The following SLC37A1 variants were observed in gnomAD, a reference collection of about 807,000 sequenced individuals.
The protein encoded by SLC37A1 is solute carrier family 37 member 1.
A neutral mutation model predicts 75.3 loss-of-function variants in SLC37A1; 49 were observed. The observed-to-expected ratio is 0.65, with a 90% CI of 0.52 to 0.83. The LOEUF (loss-of-function observed/expected upper bound fraction) is 0.83, where lower values mean the gene tolerates loss of function less well. Among genes scored for constraint, SLC37A1 ranks in the 40% least tolerant of loss-of-function variants. The pLI is 0.00. For missense variants in SLC37A1, 566 were observed against 695.0 expected, an observed-to-expected ratio of 0.81 and a Z score of 2.09; for synonymous variants, 268 against 292.1, an observed-to-expected ratio of 0.92 and a Z score of 0.84.
chr21:42,544,864 A>G (rs2055367541), intron 8 of SLC37A1, among the ~76,000 whole-genome samples: 1 of 152,192 alleles, frequency 6.6e-6, no homozygotes, highest in Admixed American at 6.5e-5. Context: ...CACCCGGAGA[A>G]CAATGTGCCT....
rs567505282 is a variant in SLC37A1 at position 42,575,084 on chromosome 21, A to G, written c.1521+169A>G. ...TAAAGCTCCTTCTCTCTCTGATTAGAAAAAGTCAGAAACAGAAGCAGGACA... is the reference window on the plus strand; with the variant it reads ...TAAAGCTCCTTCTCTCTCTGATTAGGAAAAGTCAGAAACAGAAGCAGGACA... On this transcript the variant is annotated intron_variant, in intron 18 of 19. Transcript: ENST00000352133. 16 of 985,470 alleles carry G rather than the reference A, an allele frequency of 1.6e-5. No homozygotes were observed. The African/African-American group carries it at 2.6e-4, about 16-fold the overall frequency. 61.0% of individuals were successfully genotyped at this position (985,470 alleles called of 1,614,324 possible). A position where few individuals can be genotyped will look rare whatever the true frequency, so the allele number is the denominator to read the frequency against.
rs531388784 is a variant in SLC37A1, at chr21:42,501,048, G to A, written c.-300-1248G>A. On this transcript the variant is annotated intron_variant, in intron 1 of 20. Transcript: ENST00000398341. ...GTTTAGTGGACACCAGTGTGGAGAC[G>A]AGATGTCAGAAAATTGGATAGACTC... Among the ~76,000 whole-genome samples, 222 of 152,326 alleles carry A rather than the reference G, an allele frequency of 1.5e-3. 1 individual carries two copies. Among genetic ancestry groups the A allele is most frequent in the Admixed American group, 2.2e-3 (34 of 15,298 alleles).
intron 11 of SLC37A1, among the ~76,000 whole-genome samples, chr21:42,561,239 A>G (rs228095): frequency 0.55 from 84,042 of 152,062 alleles, 24,252 homozygotes; most frequent in Admixed American, 0.69. Flanking sequence ...CAGTGCCACA[A>G]TGTTACTGGA....
intron 19 of SLC37A1, 59 bp from the exon 20 acceptor site, chr21:42,580,286 A>T: frequency 6.3e-7 from 1 of 1,589,852 alleles, no homozygotes; most frequent in Non-Finnish European, 8.6e-7. Flanking sequence ...GAAGTTCAGC[A>T]TCTCTTGCTG....
At chr21:42,515,540 A>T (rs1424554909) in intron 1 of SLC37A1, among the ~76,000 whole-genome samples, 1 of 152,212 alleles carries the variant, frequency 6.6e-6, no homozygotes, top group Non-Finnish European at 1.5e-5. Flanking sequence ...GGCAGCGCAG[A>T]TCACATGTGG....
chr21:42,579,999 C>A (rs768994764), intron 19 of SLC37A1, among the ~76,000 whole-genome samples, 199 bp downstream of exon 19: 1 of 152,186 alleles, frequency 6.6e-6, no homozygotes, highest in African/African-American at 2.4e-5. Flanking sequence ...CTCCTCAAAC[C>A]CTGAGTGGAA....
intron 14 of SLC37A1, 50 bp from the exon 15 acceptor site, chr21:42,565,777 C>T: frequency 6.4e-7 from 1 of 1,555,006 alleles, no homozygotes; most frequent in South Asian, 1.1e-5. Flanking sequence ...AGCAATCTCG[C>T]ACTGCTTGCA....
chr21:42,540,862 T>C lies in SLC37A1; in HGVS notation c.486+1215T>C, dbSNP rs767164999. On this transcript the variant is annotated intron_variant, in intron 6 of 19. Coordinates refer to ENST00000352133, the MANE Select transcript of SLC37A1 (RefSeq NM_001320537.2). ...AGCAATTCACACTTGTGTAGTAATA[T>C]AGAAAATTAGAAGGGAGGAGAAAAC... is the stretch of plus-strand genomic sequence containing the variant. 7.0e-4 allele frequency among the ~76,000 whole-genome samples: 106 copies of C among 152,318 alleles called. 2 individuals carry two copies. The highest frequency in any genetic ancestry group is 1.5e-3 in the South Asian group (7 of 4,818).
chr21:42,513,783 C>G (rs2054466908), upstream of SLC37A1: 2 of 146,256 alleles, frequency 1.4e-5, no homozygotes, highest in Admixed American at 1.4e-4. Flanking sequence ...AGGAGCCGCG[C>G]GGCTCCGCCG....
chr21:42,530,654 A>ACACACACACACACACACCC (rs1161313598), intron 3 of SLC37A1, among the ~76,000 whole-genome samples: 5 of 35,898 alleles, frequency 1.4e-4, no homozygotes, highest in East Asian at 4.5e-4. Context: ...ACACACACAC[A>ACACACACACACACACACCC]CCCCCTCTGT....
Position 42,552,865 on chromosome 21 carries a change from G to T in SLC37A1, c.769-1197G>T, listed in dbSNP as rs1490292198. Among the ~76,000 whole-genome samples the T allele has an allele frequency of 6.6e-6, 1 of 152,238 alleles. No individual in the cohort carries two copies. The highest frequency in any genetic ancestry group is 2.4e-5 in the African/African-American group (1 of 41,470). On this transcript the variant is annotated intron_variant, in intron 9 of 19. Transcript: ENST00000352133. The surrounding 1 kb of genome is among the most constrained non-coding windows in gnomAD (Gnocchi z 4.2). ...GGGACGGGGGGCCGAGTGCTGGGGAGCAGGAACCCATCTCTGCTTCTGCCT... is the reference window on the plus strand; with the variant it reads ...GGGACGGGGGGCCGAGTGCTGGGGATCAGGAACCCATCTCTGCTTCTGCCT...
In SLC37A1 at chr21:42,552,844, C is replaced by T. The variant is rs749421453; in HGVS notation, c.769-1218C>T. ...GGCAGCCTCTGCTCACTGCGGGGGA[C>T]GGGGGGCCGAGTGCTGGGGAGCAGG... On this transcript the variant is annotated intron_variant, in intron 9 of 19. Coordinates refer to ENST00000352133, the MANE Select transcript of SLC37A1 (RefSeq NM_001320537.2). The surrounding 1 kb of genome is among the most constrained non-coding windows in gnomAD (Gnocchi z 4.2). 1.8e-4 allele frequency among the ~76,000 whole-genome samples: 28 copies of T among 152,136 alleles called. No homozygotes were observed. Among genetic ancestry groups the T allele is most frequent in the African/African-American group, 5.8e-4 (24 of 41,434 alleles).
At position 42,575,062 on chromosome 21, in the gene SLC37A1, A is replaced by C. The variant is rs936104154; in HGVS notation, c.1521+147A>C. ...TCTTTTCTAAATATGCGTGGTCTAA[A>C]GCTCCTTCTCTCTCTGATTAGAAAA... On this transcript the variant is annotated intron_variant, in intron 18 of 19. Transcript: ENST00000352133. 16 of 1,438,484 alleles carry C rather than the reference A, an allele frequency of 1.1e-5. No homozygotes were observed. In the African/African-American group the frequency reaches 2.3e-4, roughly 21 times the overall value. The allele number at this position is 1,438,484 out of a possible 1,614,324, so 89.1% of individuals were successfully genotyped here. A position where few individuals can be genotyped will look rare whatever the true frequency, so the allele number is the denominator to read the frequency against.
chr21:42,553,877 C>T (rs2839549), intron 9 of SLC37A1, among the ~76,000 whole-genome samples, 185 bp from the exon 10 acceptor site: 20,505 of 152,142 alleles, frequency 0.13, 2,044 homozygotes, highest in African/African-American at 0.28. Flanking sequence ...GGATTTTATG[C>T]TCACATTCTA....
rs1180555369 is a variant in SLC37A1 at position 42,545,711 on chromosome 21, C to T, written c.731-1392C>T. ...CTGGCTTACCCCTGGGGGCATCACA[C>T]TGTGAGTGGATACCGATGGGGTGAG... On this transcript the variant is annotated intron_variant, in intron 8 of 19. Transcript: ENST00000352133. The surrounding 1 kb of genome is among the most constrained non-coding windows in gnomAD (Gnocchi z 4.0). 6.6e-6 allele frequency among the ~76,000 whole-genome samples: 1 copy of T among 152,236 alleles called. No individual in the cohort carries two copies. The highest frequency in any genetic ancestry group is 1.5e-5 in the Non-Finnish European group (1 of 68,030).
chr21:42,572,477 C>G (rs2056199593), intron 17 of SLC37A1, among the ~76,000 whole-genome samples: 1 of 151,764 alleles, frequency 6.6e-6, no homozygotes, highest in South Asian at 2.1e-4. Context: ...CTTTCCCTTC[C>G]TGCCTGTCTC....
intron 5 of SLC37A1, among the ~76,000 whole-genome samples, chr21:42,538,474 A>AGTGG (rs1480579156): frequency 6.6e-6 from 1 of 152,176 alleles, no homozygotes; most frequent in Admixed American, 6.5e-5. Flanking sequence ...TGACTCCCGG[A>AGTGG]GTGGGGTTCA....
At chr21:42,529,217 A>G (rs2054878237) in intron 3 of SLC37A1, among the ~76,000 whole-genome samples, 1 of 152,246 alleles carries the variant, frequency 6.6e-6, no homozygotes, top group Non-Finnish European at 1.5e-5. Context: ...AATTTAATAA[A>G]TGGTGTCGGC....
At chr21:42,526,063 A>G (rs1457702881) in intron 3 of SLC37A1, 1 of 509,314 alleles carries the variant, frequency 2.0e-6, no homozygotes, top group African/African-American at 1.9e-5. Flanking sequence ...TTTCAGAGGT[A>G]GTAGACTTTT....
Sources: gnomAD v4.1 joint callset for allele counts (sites outside exome capture counted in the v4.1 genomes callset) on GRCh38, gnomAD v4.1.1 for gene constraint, Gnocchi (gnomAD v3.1) non-coding constraint, MANE v1.5 for transcripts, NCBI Gene and HGNC (gene_info 2026-07-23, HGNC 2026-07-21) for gene names.